The following SEZ6L2 variants were observed in gnomAD, a reference collection of about 807,000 sequenced individuals.
SEZ6L2 encodes seizure 6-like protein 2.
Under a neutral mutation model 97.0 loss-of-function variants are expected in SEZ6L2, and 44 were observed. That is an observed-to-expected ratio of 0.45 (90% CI 0.36 to 0.58). The LOEUF (loss-of-function observed/expected upper bound fraction) is 0.58, where lower values mean the gene tolerates loss of function less well. SEZ6L2 is among the 20% of genes least tolerant of loss of function. The pLI is 0.00. For missense variants in SEZ6L2, 1,086 were observed against 1,233.3 expected (o/e 0.88, Z 1.79); for synonymous variants, 543 against 546.1 (o/e 0.99, Z 0.08).
chr16:29,897,072 G>T lies in SEZ6L2; in HGVS notation c.261C>A (p.Leu87=). The change falls in exon 3 of 18, where the codon CTC becomes CTA. Residue 87 remains leucine, a synonymous_variant. Coordinates refer to ENST00000617533, the MANE Select transcript of SEZ6L2 (RefSeq NM_001243332.2). ...TGGCCCGTGGCAGGGAGGGCACTGC[G>T]AGAGTCTGGCCGGCCGGAGGGGTGG... ...TLATPPAGQT[L]AVPSLPRATE... is the part of the protein sequence containing the mutation. 1 of 1,582,024 alleles carries T rather than the reference G, an allele frequency of 6.3e-7. No individual in the cohort carries two copies. Among genetic ancestry groups the T allele is most frequent in the Non-Finnish European group, 8.5e-7 (1 of 1,171,982 alleles).
Position 29,895,513 on chromosome 16 carries a change from T to G in SEZ6L2, c.652-53A>C, listed in dbSNP as rs2068366389. The G allele has an allele frequency of 2.5e-6, 4 of 1,586,620 alleles. No individual in the cohort carries two copies. The Admixed American group carries it at 6.7e-5, about 27-fold the overall frequency. ...GGGCAAGTCAGCCAGGTGTTTGACT[T>G]CCAAAGCCCCTGTCCTGTGCCTTTG... On this transcript the variant is annotated intron_variant, in intron 4 of 17. Transcript: ENST00000617533.
At chr16:29,877,615 C>T (rs2067938004) in intron 10 of SEZ6L2, 148 bp from the exon 11 acceptor site, 8 of 739,742 alleles carry the variant, frequency 1.1e-5, no homozygotes, top group East Asian at 3.0e-5. Flanking sequence ...GCGCCGCCTC[C>T]GTTTTGACCA....
At chr16:29,895,197 AAAG>A in intron 5 of SEZ6L2, 59 bp downstream of exon 5, 104 of 1,152,116 alleles carry the variant, frequency 9.0e-5, no homozygotes, top group Non-Finnish European at 1.2e-4. Flanking sequence ...AAAAAAAAAA[AAAG>A]ATGTCCAGTG....
chr16:29,879,940 G>C lies in SEZ6L2; in HGVS notation c.1497C>G (p.Pro499=). ...FSCLPGYALE[P]PGPPNAIECV... is the part of the protein sequence containing the mutation. ...ATTCGATGGCATTGGGGGGCCCAGGGGGCTCCAGGGCATATCCTGGGAGGC... is the reference window on the plus strand; with the variant it reads ...ATTCGATGGCATTGGGGGGCCCAGGCGGCTCCAGGGCATATCCTGGGAGGC... The change falls in exon 9 of 18, where the codon CCC becomes CCG. Residue 499 remains proline, a synonymous_variant. Coordinates refer to ENST00000617533, the MANE Select transcript of SEZ6L2 (RefSeq NM_001243332.2). 2 of 1,614,124 alleles carry C rather than the reference G, an allele frequency of 1.2e-6. No homozygotes were observed. The highest frequency in any genetic ancestry group is 1.7e-6 in the Non-Finnish European group (2 of 1,179,976).
chr16:29,896,783 T>G, intron 3 of SEZ6L2, 39 bp downstream of exon 3: 3 of 1,590,662 alleles, frequency 1.9e-6, no homozygotes, highest in Non-Finnish European at 2.6e-6. Context: ...CGTGTACCTC[T>G]CCGGTCCTCC....
intron 12 of SEZ6L2, among the ~76,000 whole-genome samples, chr16:29,874,356 C>A (rs965529932): frequency 6.6e-6 from 1 of 151,892 alleles, no homozygotes; most frequent in Admixed American, 6.6e-5. Flanking sequence ...TTAGAGGGGG[C>A]CCAGCTCTCC....
At chr16:29,894,628 T>C (rs1478614689) in intron 5 of SEZ6L2, among the ~76,000 whole-genome samples, 1 of 152,176 alleles carries the variant, frequency 6.6e-6, no homozygotes, top group South Asian at 2.1e-4. Flanking sequence ...CCTACCTAGA[T>C]TCTGAGCTCG....
chr16:29,895,994 G>A lies in SEZ6L2; in HGVS notation c.512-134C>T, dbSNP rs550283911. ...TTTGTTTTGTTTGAGACAGGGTCTC[G>A]CTCTGTCACCCAGGCTGGAGTGCAG... On this transcript the variant is annotated intron_variant, in intron 3 of 17. Transcript: ENST00000617533. 26 of 943,532 alleles carry A rather than the reference G, an allele frequency of 2.8e-5. No homozygotes were observed. In the Middle Eastern group the frequency reaches 9.9e-4, roughly 36 times the overall value. The allele number at this position is 943,532 out of a possible 1,614,324, so 58.4% of individuals were successfully genotyped here.
rs2067907363 is a variant in SEZ6L2, at chr16:29,876,538, G to A, written c.2104+218C>T. ...GGTGCAAGAAAGAGGGATGCAGCCC[G>A]GAGAAGATGAGAGGGAGACCCAGAG... On this transcript the variant is annotated intron_variant, in intron 12 of 17. Transcript: ENST00000617533. The surrounding 1 kb of genome is among the most constrained non-coding windows in gnomAD (Gnocchi z 6.5). Among the ~76,000 whole-genome samples the A allele has an allele frequency of 6.6e-6, 1 of 151,782 alleles. No individual in the cohort carries two copies. Among genetic ancestry groups the A allele is most frequent in the African/African-American group, 2.4e-5 (1 of 41,290 alleles).
In SEZ6L2 at chr16:29,895,859, A is replaced by G; in HGVS notation, c.513T>C (p.Val171=). ...CCTCGGAGATGTTGTTATTACACAG[A>G]ACTGAGGAGATACAAATGGCTGGGA... ...TTVTTTVTSP[V]LCNNNISEGE... is the part of the protein sequence containing the mutation. The change falls in exon 4 of 18, where the codon GTT becomes GTC. Residue 171 remains valine, a splice_region_variant and synonymous_variant. Coordinates refer to ENST00000617533, the MANE Select transcript of SEZ6L2 (RefSeq NM_001243332.2). The G allele has an allele frequency of 6.3e-7, 1 of 1,599,796 alleles. No homozygotes were observed. The highest frequency in any genetic ancestry group is 8.5e-7 in the Non-Finnish European group (1 of 1,171,586).
intron 8 of SEZ6L2, among the ~76,000 whole-genome samples, chr16:29,881,983 T>A (rs1279468678): frequency 6.7e-6 from 1 of 150,228 alleles, no homozygotes; most frequent in Non-Finnish European, 1.5e-5. Context: ...TATTTTTTTA[T>A]TTTTTGAGAC....
chr16:29,895,891 G>T, intron 3 of SEZ6L2, 31 bp from the exon 4 acceptor site: 1 of 1,577,916 alleles, frequency 6.3e-7, no homozygotes, highest in South Asian at 1.2e-5. Flanking sequence ...GGGATGGAAG[G>T]AATGCCTGTG....
chr16:29,878,753 TTTC>T (rs1422482907), intron 9 of SEZ6L2, among the ~76,000 whole-genome samples: 22 of 147,116 alleles, frequency 1.5e-4, no homozygotes, highest in African/African-American at 2.3e-4. Context: ...CCTATTTTTT[TTTC>T]TTTTTTCTTT....
At chr16:29,875,662 TTTC>T (rs1483591192) in intron 12 of SEZ6L2, among the ~76,000 whole-genome samples, 6 of 17,448 alleles carry the variant, frequency 3.4e-4, no homozygotes, top group Non-Finnish European at 1.1e-3. Flanking sequence ...TCTTTCTTTC[TTTC>T]TTTTTTTTTT....
At position 29,879,926 on chromosome 16, in the gene SEZ6L2, T is replaced by G; in HGVS notation, c.1511A>C (p.Asn504Thr). The G allele has an allele frequency of 1.9e-6, 3 of 1,613,976 alleles. No individual in the cohort carries two copies. Among genetic ancestry groups the G allele is most frequent in the Non-Finnish European group, 2.5e-6 (3 of 1,179,920 alleles). ...TGTGGGATCCACACATTCGATGGCA[T>G]TGGGGGGCCCAGGGGGCTCCAGGGC... ...GYALEPPGPP[N>T]AIECVDPTEP... Residue 504 changes from asparagine (N) to threonine (T), a missense_variant, in exon 9 of 18, where the codon AAT (asparagine) becomes ACT (threonine). By Grantham distance (65) the Asn-to-Thr change is moderately conservative. This residue lies in a region of SEZ6L2 where 776 missense variants were observed against 794.7 expected (regional missense o/e 0.98). Transcript: ENST00000617533.
At position 29,877,421 on chromosome 16, in the gene SEZ6L2, C is replaced by G; in HGVS notation, c.1759G>C (p.Gly587Arg). The G allele has an allele frequency of 6.2e-7, 1 of 1,610,600 alleles. No individual in the cohort carries two copies. The highest frequency in any genetic ancestry group is 8.5e-7 in the Non-Finnish European group (1 of 1,178,526). The change falls in exon 11 of 18, where the codon GGT (glycine) becomes CGT (arginine). Residue 587 changes from glycine (G) to arginine (R), a missense_variant. This residue lies in a region of SEZ6L2 where 776 missense variants were observed against 794.7 expected (regional missense o/e 0.98). Transcript: ENST00000617533. Reference protein sequence around the residue: ...GDMLTLFDGDGPSARVLAQLR... With the variant: ...GDMLTLFDGDRPSARVLAQLR... ...TGGGCCAAGACTCGGGCGCTGGGAC[C>G]GTCCCCGTCGAACAGCGTCAGCATG...
At chr16:29,895,556 C>CA in intron 4 of SEZ6L2, 96 bp from the exon 5 acceptor site, 1 of 1,437,268 alleles carries the variant, frequency 7.0e-7, no homozygotes, top group East Asian at 2.3e-5. Context: ...TGTAGCAGCC[C>CA]AAAAGGCACC....
chr16:29,880,541 A>G (rs968514791), intron 8 of SEZ6L2, among the ~76,000 whole-genome samples: 7 of 151,898 alleles, frequency 4.6e-5, no homozygotes, highest in Admixed American at 2.0e-4. Context: ...GGCTGGTCTC[A>G]AACTCCCGAC....
intron 8 of SEZ6L2, among the ~76,000 whole-genome samples, chr16:29,883,208 A>T (rs1259456267): frequency 6.6e-6 from 1 of 152,176 alleles, no homozygotes; most frequent in Non-Finnish European, 1.5e-5. Flanking sequence ...TACTGTTTAT[A>T]CAACTCCTCT....
Sources: gnomAD v4.1 joint callset for allele counts (sites outside exome capture counted in the v4.1 genomes callset) on GRCh38, gnomAD v4.1.1 for gene constraint, gnomAD v4.1.1 regional missense constraint, Gnocchi (gnomAD v3.1) non-coding constraint, MANE v1.5 for transcripts, NCBI Gene and HGNC (gene_info 2026-07-23, HGNC 2026-07-21) for gene names.